Variants in FGFR1 observed in about 807,000 individuals in gnomAD.
FGFR1 encodes FGFR1/PLAG1 fusion.
FGFR1 carries 18 observed loss-of-function variants against 93.7 expected under a neutral mutation model. The ratio of observed to expected loss-of-function variants is 0.19; its 90% CI spans 0.13 to 0.28. The LOEUF is 0.28. Ranked by LOEUF, FGFR1 falls within the 10% of genes least tolerant of loss-of-function variation. The probability of loss-of-function intolerance (pLI) is 1.00; values close to 1 mark genes in which losing one functional copy is unlikely to be tolerated. For synonymous variants in FGFR1, 448 were observed against 429.3 expected (o/e 1.04, Z -0.54); for missense variants, 731 against 1,080.4 (o/e 0.68, Z 4.53).
chr8:38,445,466 A>G (rs1009128208), intron 2 of FGFR1, among the ~76,000 whole-genome samples: 1 of 152,210 alleles, frequency 6.6e-6, no homozygotes, highest in Non-Finnish European at 1.5e-5. Flanking sequence ...TGGGGTAGTG[A>G]AGAAGGGCTA....
At chr8:38,453,842 AGATCAT>A (rs1831870226) in intron 2 of FGFR1, among the ~76,000 whole-genome samples, 1 of 152,190 alleles carries the variant, frequency 6.6e-6, no homozygotes, top group Non-Finnish European at 1.5e-5. Context: ...CAGTAAGCCA[AGATCAT>A]GCCACTGCAT....
At chr8:38,417,218 G>T in intron 12 of FGFR1, 88 bp downstream of exon 12, 2 of 1,015,176 alleles carry the variant, frequency 2.0e-6, no homozygotes, top group Non-Finnish European at 1.6e-6. Context: ...CCCTTCCCTA[G>T]CTGTGGCTGA....
intron 1 of FGFR1, chr8:38,461,180 C>T: frequency 6.6e-7 from 1 of 1,517,174 alleles, no homozygotes; most frequent in Non-Finnish European, 8.9e-7. Flanking sequence ...AGTACTGATC[C>T]AACATACAGG....
At chr8:38,462,708 C>A (rs1479869462) in intron 1 of FGFR1, among the ~76,000 whole-genome samples, 1 of 151,636 alleles carries the variant, frequency 6.6e-6, no homozygotes, top group Non-Finnish European at 1.5e-5. Context: ...CTCCCGGGTT[C>A]AAACGATTCT....
At chr8:38,440,205 A>G in intron 2 of FGFR1, 1 of 1,061,954 alleles carries the variant, frequency 9.4e-7, no homozygotes, top group Non-Finnish European at 1.4e-6. Flanking sequence ...CTTTGAAAGC[A>G]ACTTAAAAGG....
At chr8:38,440,485 G>C (rs1827037867) in intron 2 of FGFR1, 4 of 789,244 alleles carry the variant, frequency 5.1e-6, no homozygotes, top group African/African-American at 1.8e-5. Flanking sequence ...TGTGGAAAGA[G>C]AGCCGGGAGC....
At chr8:38,440,804 G>T (rs912443739) in intron 2 of FGFR1, among the ~76,000 whole-genome samples, 2 of 152,064 alleles carry the variant, frequency 1.3e-5, no homozygotes, top group African/African-American at 4.8e-5. Flanking sequence ...CCCCCCGTGC[G>T]TTGCCATGGG....
Position 38,419,893 on chromosome 8 carries a change from G to A in FGFR1, c.1082-158C>T, listed in dbSNP as rs556428958. 15 of 638,642 alleles carry A rather than the reference G, an allele frequency of 2.3e-5. No individual in the cohort carries two copies. The South Asian group carries it at 2.7e-4, about 11-fold the overall frequency. The allele number at this position is 638,642 out of a possible 1,614,324, so 39.6% of individuals were successfully genotyped here. A position where few individuals can be genotyped will look rare whatever the true frequency, so the allele number is the denominator to read the frequency against. Reference sequence around the variant, plus strand: ...GCTAGGACTGGGATTGTGGCACTAGGAGGATCAGGCAACCCCCTGATTTTG... The same window carrying A: ...GCTAGGACTGGGATTGTGGCACTAGAAGGATCAGGCAACCCCCTGATTTTG... On this transcript the variant is annotated intron_variant, in intron 8 of 17. Transcript: ENST00000447712.
In FGFR1 at chr8:38,413,532, A is replaced by C; in HGVS notation, c.*96T>G. On this transcript the variant is annotated 3_prime_UTR_variant, in exon 18 of 18. Coordinates refer to ENST00000447712, the MANE Select transcript of FGFR1 (RefSeq NM_023110.3). The surrounding 1 kb of genome is among the most constrained non-coding windows in gnomAD (Gnocchi z 4.2). ...TAGGCAGCCGGCTCCTGCCAGCAGGAAAGGGGACAGGGACGGACAGGTGGT... is the reference window on the plus strand; with the variant it reads ...TAGGCAGCCGGCTCCTGCCAGCAGGCAAGGGGACAGGGACGGACAGGTGGT... 1 of 1,392,792 alleles carries C rather than the reference A, an allele frequency of 7.2e-7. No individual in the cohort carries two copies. Among genetic ancestry groups the C allele is most frequent in the South Asian group, 1.4e-5 (1 of 71,388 alleles). The allele number at this position is 1,392,792 out of a possible 1,614,324, so 86.3% of individuals were successfully genotyped here.
intron 2 of FGFR1, among the ~76,000 whole-genome samples, chr8:38,445,601 CA>C (rs1377967688): frequency 6.6e-6 from 1 of 152,092 alleles, no homozygotes; most frequent in Non-Finnish European, 1.5e-5. Flanking sequence ...TGCAATGGTG[CA>C]ATCTTGGCTC....
intron 2 of FGFR1, among the ~76,000 whole-genome samples, chr8:38,443,031 A>G (rs975592611): frequency 2.6e-5 from 4 of 152,246 alleles, no homozygotes; most frequent in African/African-American, 9.6e-5. Context: ...CGATGAGACT[A>G]AAGACAATAA....
chr8:38,452,192 G>GACAC (rs1167901036), intron 2 of FGFR1, among the ~76,000 whole-genome samples: 1 of 91,482 alleles, frequency 1.1e-5, no homozygotes, highest in Non-Finnish European at 2.2e-5. Flanking sequence ...CAGACACACA[G>GACAC]ACACACAGAC....
Position 38,411,963 on chromosome 8 carries a change from T to G in FGFR1, c.*1665A>C, listed in dbSNP as rs2150480565. 4.3e-6 allele frequency: 1 copy of G among 231,222 alleles called. No individual in the cohort carries two copies. The highest frequency in any genetic ancestry group is 8.6e-6 in the Non-Finnish European group (1 of 116,750). 14.3% of individuals were successfully genotyped at this position (231,222 alleles called of 1,614,324 possible). A position where few individuals can be genotyped will look rare whatever the true frequency, so the allele number is the denominator to read the frequency against. On this transcript the variant is annotated 3_prime_UTR_variant, in exon 18 of 18. Coordinates refer to ENST00000447712, the MANE Select transcript of FGFR1 (RefSeq NM_023110.3). Reference sequence around the variant, plus strand: ...CAGGGACCTGAATGCAAAACTAGCCTCAGGTGACATGTTCTCCTGCACTTA... The same window carrying G: ...CAGGGACCTGAATGCAAAACTAGCCGCAGGTGACATGTTCTCCTGCACTTA...
rs938271176 is a variant in FGFR1, at chr8:38,426,312, G to A, written c.622-67C>T. ...AAAATGCAGGCCCCATGACAATGTC[G>A]GCACCCCGTGGCACCTGCCCTCCAT... On this transcript the variant is annotated intron_variant, in intron 5 of 17. Transcript: ENST00000447712. This position sits in a 1 kb window ranked among gnomAD's most constrained non-coding sequence, Gnocchi z 4.1. 1.5e-5 allele frequency: 24 copies of A among 1,599,404 alleles called. No individual in the cohort carries two copies. The highest frequency in any genetic ancestry group is 1.1e-4 in the East Asian group (5 of 44,798).
intron 7 of FGFR1, 161 bp from the exon 8 acceptor site, chr8:38,422,102 A>C: frequency 1.3e-6 from 1 of 799,936 alleles, no homozygotes; most frequent in Non-Finnish European, 2.1e-6. Context: ...CAGGCAGCAA[A>C]ACCTGTTAGA....
At chr8:38,467,148 C>T (rs1835743394) in intron 1 of FGFR1, among the ~76,000 whole-genome samples, 1 of 152,106 alleles carries the variant, frequency 6.6e-6, no homozygotes, top group Non-Finnish European at 1.5e-5. Context: ...CTCTAGGAAC[C>T]AGATTGGGAC....
At chr8:38,456,846 CAT>C in intron 2 of FGFR1, among the ~76,000 whole-genome samples, 1 of 152,244 alleles carries the variant, frequency 6.6e-6, no homozygotes, top group African/African-American at 2.4e-5. Context: ...GCTGAGGTTA[CAT>C]GTGTGACCCA....
At chr8:38,448,286 T>C (rs1188968891) in intron 2 of FGFR1, among the ~76,000 whole-genome samples, 1 of 151,902 alleles carries the variant, frequency 6.6e-6, no homozygotes, top group African/African-American at 2.4e-5. Context: ...CAATTTTTTT[T>C]TTTTTTTTTT....
chr8:38,416,071 A>G lies in FGFR1; in HGVS notation c.1664-11T>C, dbSNP rs774797151. 6.2e-7 allele frequency: 1 copy of G among 1,606,924 alleles called. No individual in the cohort carries two copies. Among genetic ancestry groups the G allele is most frequent in the African/African-American group, 1.3e-5 (1 of 74,990 alleles). On this transcript the variant is annotated splice_polypyrimidine_tract_variant and intron_variant, in intron 12 of 17. Transcript: ENST00000447712. ...TGACATACAAGGGACCTGCAGGCAC[A>G]GGAGAAGAGGCCATGGGGCCAGCAG...
Sources: allele counts gnomAD v4.1 joint callset (sites outside exome capture counted in the v4.1 genomes callset), GRCh38; gene constraint gnomAD v4.1.1; non-coding constraint Gnocchi (gnomAD v3.1); transcripts MANE v1.5; gene names NCBI Gene and HGNC (gene_info 2026-07-23, HGNC 2026-07-21).